JARID2: variants seen among roughly 807,000 people sequenced by gnomAD.
The protein encoded by JARID2 is protein Jumonji.
In JARID2, 21 loss-of-function variants were observed where a neutral mutation model predicts 125.6. The observed-to-expected ratio is 0.17, with a 90% CI of 0.12 to 0.24. The LOEUF (loss-of-function observed/expected upper bound fraction) is 0.24, where lower values mean the gene tolerates loss of function less well. Ranked by LOEUF, JARID2 falls within the 10% of genes least tolerant of loss-of-function variation. JARID2 has a pLI of 1.00. For missense variants in JARID2, 1,303 were observed against 1,639.6 expected (o/e 0.79, Z 3.55); for synonymous variants, 736 against 661.6 (o/e 1.11, Z -1.73).
chr6:15,490,554 C>T (rs1770102035), intron 6 of JARID2, among the ~76,000 whole-genome samples: 1 of 152,184 alleles, frequency 6.6e-6, no homozygotes, highest in Admixed American at 6.5e-5. Context: ...TGGCCCCGGC[C>T]GTTTACTCTC....
chr6:15,334,171 A>G lies in JARID2; in HGVS notation c.46-39946A>G, dbSNP rs74527229. 2.4e-3 allele frequency among the ~76,000 whole-genome samples: 369 copies of G among 152,310 alleles called. 2 individuals carry two copies. Among genetic ancestry groups the G allele is most frequent in the African/African-American group, 8.3e-3 (345 of 41,562 alleles). On this transcript the variant is annotated intron_variant, in intron 1 of 17. Coordinates refer to ENST00000341776, the MANE Select transcript of JARID2 (RefSeq NM_004973.4). ...AGCCTTCTCTAATTAAAGCCTCTTGATGACATTAAACTGTGTTGCTTAATT... is the reference window on the plus strand; with the variant it reads ...AGCCTTCTCTAATTAAAGCCTCTTGGTGACATTAAACTGTGTTGCTTAATT...
chr6:15,249,016 C>A, intron 1 of JARID2: 1 of 929,754 alleles, frequency 1.1e-6, no homozygotes, highest in South Asian at 4.9e-5. Flanking sequence ...GGACCCTGTT[C>A]TGATGCCACT....
chr6:15,427,190 C>T (rs1766764808), intron 3 of JARID2, among the ~76,000 whole-genome samples: 1 of 152,204 alleles, frequency 6.6e-6, no homozygotes, highest in Admixed American at 6.5e-5. Context: ...CTGCACCACA[C>T]TCTGTCCTAA....
At chr6:15,458,104 C>T (rs543984924) in intron 4 of JARID2, among the ~76,000 whole-genome samples, 4 of 152,286 alleles carry the variant, frequency 2.6e-5, no homozygotes, top group African/African-American at 9.6e-5. Flanking sequence ...GAGGGTTTTG[C>T]GCTTGCTGCA....
At chr6:15,384,095 A>G (rs985479401) in intron 2 of JARID2, among the ~76,000 whole-genome samples, 1 of 151,892 alleles carries the variant, frequency 6.6e-6, no homozygotes, top group Non-Finnish European at 1.5e-5. Flanking sequence ...TGCCCAACCT[A>G]TTTTTTTATT....
chr6:15,290,341 G>C (rs746777860), intron 1 of JARID2, among the ~76,000 whole-genome samples: 8 of 152,134 alleles, frequency 5.3e-5, no homozygotes, highest in Non-Finnish European at 8.8e-5. Context: ...TTATTGCTGT[G>C]AACATTAGTG....
intron 1 of JARID2, among the ~76,000 whole-genome samples, chr6:15,274,017 C>T (rs1339649557): frequency 6.6e-6 from 1 of 151,748 alleles, no homozygotes; most frequent in Non-Finnish European, 1.5e-5. Flanking sequence ...TGGCCTCTGC[C>T]TCCCGGGTTC....
chr6:15,369,216 G>C (rs985448301), intron 1 of JARID2: 1 of 337,170 alleles, frequency 3.0e-6, no homozygotes, highest in Admixed American at 3.0e-5. Flanking sequence ...CTCACAGTCC[G>C]GGTTAGAGAT....
At chr6:15,342,189 T>A (rs1054137197) in intron 1 of JARID2, among the ~76,000 whole-genome samples, 1 of 152,200 alleles carries the variant, frequency 6.6e-6, no homozygotes, top group South Asian at 2.1e-4. Flanking sequence ...ATTTTCTGCA[T>A]CTTTCCTTGT....
At chr6:15,382,000 G>A (rs1426872248) in intron 2 of JARID2, among the ~76,000 whole-genome samples, 1 of 152,164 alleles carries the variant, frequency 6.6e-6, no homozygotes, top group African/African-American at 2.4e-5. Flanking sequence ...ACAACCAAAT[G>A]GGGCTGGGTA....
intron 1 of JARID2, among the ~76,000 whole-genome samples, chr6:15,359,907 G>A (rs902636518): frequency 7.2e-5 from 11 of 151,966 alleles, no homozygotes; most frequent in African/African-American, 2.4e-4. Context: ...GGTTGGTCTT[G>A]AACCCCTGAC....
intron 12 of JARID2, chr6:15,509,057 C>T (rs746933186): frequency 2.0e-5 from 26 of 1,289,284 alleles, no homozygotes; most frequent in Middle Eastern, 2.1e-4. Context: ...GAGACACGCG[C>T]GTTATGTACC....
intron 3 of JARID2, among the ~76,000 whole-genome samples, chr6:15,415,921 ACTT>A (rs1239399548): frequency 6.7e-6 from 1 of 148,826 alleles, no homozygotes; most frequent in Non-Finnish European, 1.5e-5. Flanking sequence ...GACGCTCCTC[ACTT>A]CCCAGACGGG....
chr6:15,428,939 CCA>C (rs1491207933), intron 3 of JARID2, among the ~76,000 whole-genome samples: 56 of 145,656 alleles, frequency 3.8e-4, no homozygotes, highest in Middle Eastern at 3.5e-3. Context: ...AACCCCCCCC[CCA>C]AAAAAAAAAA....
intron 3 of JARID2, 102 bp downstream of exon 3, chr6:15,410,467 C>A: frequency 8.5e-7 from 1 of 1,172,684 alleles, no homozygotes; most frequent in Non-Finnish European, 1.2e-6. Context: ...CACCCAATCT[C>A]TTGATTTTCA....
At chr6:15,509,569 TGACA>T (rs1771175552) in intron 12 of JARID2, among the ~76,000 whole-genome samples, 2 of 152,194 alleles carry the variant, frequency 1.3e-5, no homozygotes, top group Non-Finnish European at 2.9e-5. Context: ...GAGCGGGGAC[TGACA>T]GGAGCCTTGG....
At chr6:15,384,467 C>G (rs35629999) in intron 2 of JARID2, among the ~76,000 whole-genome samples, 2 of 151,670 alleles carry the variant, frequency 1.3e-5, no homozygotes, top group African/African-American at 4.9e-5. Context: ...GTCCGCTTGC[C>G]CCTTCTTCCC....
At chr6:15,466,188 G>A (rs956509062) in intron 4 of JARID2, among the ~76,000 whole-genome samples, 3 of 152,160 alleles carry the variant, frequency 2.0e-5, no homozygotes, top group Non-Finnish European at 4.4e-5. Context: ...GAGGAAGGCT[G>A]GAGGGGTGAT....
intron 3 of JARID2, among the ~76,000 whole-genome samples, chr6:15,428,761 C>T (rs1766836706): frequency 6.6e-6 from 1 of 152,028 alleles, no homozygotes; most frequent in Non-Finnish European, 1.5e-5. Context: ...CAAAAATTAG[C>T]TGGGCCTGGT....
Sources: gnomAD v4.1 joint callset for allele counts (sites outside exome capture counted in the v4.1 genomes callset) on GRCh38, gnomAD v4.1.1 for gene constraint, MANE v1.5 for transcripts, NCBI Gene and HGNC (gene_info 2026-07-23, HGNC 2026-07-21) for gene names.